SLC35D4: variants seen among roughly 807,000 people sequenced by gnomAD.
SLC35D4 encodes UDP-N-acetylglucosamine transporter SLC35D4.
At chr18:23,428,368 A>G in the SLC35D4 span, among the ~76,000 whole-genome samples, 5 of 152,214 alleles carry the variant, frequency 3.3e-5, no homozygotes, top group African/African-American at 1.2e-4. Flanking sequence ...TCATGAAATC[A>G]GCAAAGAGAA....
At chr18:23,344,897 G>C in the SLC35D4 span, among the ~76,000 whole-genome samples, 1 of 152,120 alleles carries the variant, frequency 6.6e-6, no homozygotes. Context: ...ACAGCACCTA[G>C]CCTACCTTTT....
At chr18:23,348,875 T>C in the SLC35D4 span, among the ~76,000 whole-genome samples, 19 of 152,238 alleles carry the variant, frequency 1.2e-4, no homozygotes, top group Admixed American at 1.2e-3. Flanking sequence ...GCAACAAATC[T>C]CTTAGTTTTT....
At chr18:23,365,863 CCT>C in the SLC35D4 span, among the ~76,000 whole-genome samples, 1 of 152,168 alleles carries the variant, frequency 6.6e-6, no homozygotes, top group African/African-American at 2.4e-5. Context: ...AAGAAGATTG[CCT>C]CTTGGGACAG....
chr18:23,260,005 G>T, the SLC35D4 span: 2 of 152,072 alleles, frequency 1.3e-5, no homozygotes, highest in African/African-American at 2.4e-5. Context: ...CAGCCTAGGG[G>T]GCCCGGGACT....
At chr18:23,353,208 T>C in the SLC35D4 span, among the ~76,000 whole-genome samples, 4 of 151,718 alleles carry the variant, frequency 2.6e-5, no homozygotes, top group East Asian at 5.9e-4. Flanking sequence ...ACTTGAAAAT[T>C]GCAAAGTAAG....
chr18:23,412,673 CTCACAGAGCATAATTTAGAGA>C, the SLC35D4 span, among the ~76,000 whole-genome samples: 1 of 152,188 alleles, frequency 6.6e-6, no homozygotes, highest in Non-Finnish European at 1.5e-5. Context: ...ATGACAGTTT[CTCACAGAGCATAATTTAGAGA>C]TGGAGTCAAA....
chr18:23,297,321 A>G, the SLC35D4 span: 1 of 152,114 alleles, frequency 6.6e-6, no homozygotes, highest in Non-Finnish European at 1.5e-5. Flanking sequence ...GGAGTTTGAG[A>G]CCAGCCTGGC....
chr18:23,257,435 G>A, the SLC35D4 span: 2 of 1,482,372 alleles, frequency 1.3e-6, no homozygotes, highest in Non-Finnish European at 9.0e-7. Flanking sequence ...ACTTACTACT[G>A]GAAATGAAAA....
the SLC35D4 span, among the ~76,000 whole-genome samples, chr18:23,345,209 C>T: frequency 3.3e-5 from 5 of 151,922 alleles, no homozygotes; most frequent in Non-Finnish European, 5.9e-5. Flanking sequence ...CCTGGCCAGG[C>T]GCAGTGGCTC....
chr18:23,284,971 C>T, the SLC35D4 span, among the ~76,000 whole-genome samples: 1 of 152,228 alleles, frequency 6.6e-6, no homozygotes, highest in Admixed American at 6.5e-5. Context: ...AAGGTGCTGA[C>T]CTCCTGTGTC....
chr18:23,401,191 T>A, the SLC35D4 span, among the ~76,000 whole-genome samples: 5 of 152,168 alleles, frequency 3.3e-5, no homozygotes, highest in East Asian at 9.6e-4. Flanking sequence ...AGACAAAGAG[T>A]TTAGATAATT....
At chr18:23,257,999 A>G in the SLC35D4 span, 2 of 152,276 alleles carry the variant, frequency 1.3e-5, no homozygotes, top group African/African-American at 4.8e-5. Context: ...TTATTTCTAG[A>G]TGATTTCTGG....
the SLC35D4 span, chr18:23,430,632 C>A: frequency 1.2e-6 from 2 of 1,610,762 alleles, no homozygotes; most frequent in South Asian, 2.2e-5. Context: ...GATACTCACC[C>A]TTGGAATAAT....
the SLC35D4 span, among the ~76,000 whole-genome samples, chr18:23,407,694 G>A: frequency 2.6e-5 from 4 of 152,086 alleles, no homozygotes; most frequent in African/African-American, 9.7e-5. Context: ...GATACATCAT[G>A]CTTTGCCCAA....
At chr18:23,279,634 G>C in the SLC35D4 span, among the ~76,000 whole-genome samples, 1 of 152,016 alleles carries the variant, frequency 6.6e-6, no homozygotes. Context: ...TGAAGACACA[G>C]GGAGGAAACA....
chr18:23,409,630 CAGG>C, the SLC35D4 span, among the ~76,000 whole-genome samples: 1 of 152,072 alleles, frequency 6.6e-6, no homozygotes, highest in East Asian at 1.9e-4. Context: ...CACCTGAGGT[CAGG>C]AGTTCAAGAT....
chr18:23,410,631 C>A, the SLC35D4 span, among the ~76,000 whole-genome samples: 1 of 151,606 alleles, frequency 6.6e-6, no homozygotes, highest in African/African-American at 2.4e-5. Flanking sequence ...ATGGTGAAAC[C>A]CCTAAAAATA....
At chr18:23,413,211 C>T in the SLC35D4 span, among the ~76,000 whole-genome samples, 1 of 152,188 alleles carries the variant, frequency 6.6e-6, no homozygotes, top group Non-Finnish European at 1.5e-5. Flanking sequence ...TGGTTCTTCC[C>T]AGCTCTCTGA....
At chr18:23,240,330 C>G in the SLC35D4 span, among the ~76,000 whole-genome samples, 1 of 152,134 alleles carries the variant, frequency 6.6e-6, no homozygotes, top group Non-Finnish European at 1.5e-5. Flanking sequence ...ATAGATTTTT[C>G]TAACTGTAGA....
Sources: gnomAD v4.1 joint callset for allele counts (sites outside exome capture counted in the v4.1 genomes callset) on GRCh38, gnomAD v4.1.1 for gene constraint, MANE v1.5 for transcripts, NCBI Gene and HGNC (gene_info 2026-07-23, HGNC 2026-07-21) for gene names.